ARMH4: variants seen among roughly 807,000 people sequenced by gnomAD.
The protein encoded by ARMH4 is armadillo like helical domain containing 4, also known as armadillo-like helical domain-containing protein 4.
A neutral mutation model predicts 61.9 loss-of-function variants in ARMH4; 49 were observed. That is an observed-to-expected ratio of 0.79 (90% CI 0.63 to 1.00). The LOEUF (loss-of-function observed/expected upper bound fraction) is 1.00. ARMH4 is among the 50% of genes least tolerant of loss of function. ARMH4 has a pLI of 0.00. For missense variants in ARMH4, 934 were observed against 930.0 expected, an observed-to-expected ratio of 1.00 and a Z score of -0.06; for synonymous variants, 368 against 341.5, an observed-to-expected ratio of 1.08 and a Z score of -0.85.
At chr14:58,014,992 T>G (rs931572638) in intron 5 of ARMH4, among the ~76,000 whole-genome samples, 3 of 152,162 alleles carry the variant, frequency 2.0e-5, no homozygotes, top group Admixed American at 2.0e-4. Context: ...TGGTGCAGAA[T>G]AGGGATAGCC....
chr14:58,089,315 C>T (rs1304939395), intron 5 of ARMH4, among the ~76,000 whole-genome samples: 1 of 152,190 alleles, frequency 6.6e-6, no homozygotes, highest in Non-Finnish European at 1.5e-5. Context: ...TCCTTGCTGC[C>T]ACAATCTGTG....
In ARMH4 at chr14:58,005,176, A is replaced by G. The variant is rs1317308211; in HGVS notation, c.2128T>C (p.Tyr710His). 2 of 1,613,934 alleles carry G rather than the reference A, an allele frequency of 1.2e-6. No individual in the cohort carries two copies. Among genetic ancestry groups the G allele is most frequent in the Admixed American group, 3.3e-5 (2 of 59,978 alleles). ...ACAGGCACCAGCATCCCAGACATGT[A>G]ACCAGCCTGCATAGAAAAGGAAACA... The part of the protein sequence containing the change: ...WMEKLKDKAG[Y>H]MSGMLVPVGV... Residue 710 changes from tyrosine to histidine, a missense_variant, in exon 7 of 8, where the codon TAC (tyrosine) becomes CAC (histidine). Physicochemically the swap from Tyr to His is moderately conservative, Grantham distance 83. Transcript: ENST00000267485.
chr14:58,023,007 C>A (rs948160120), intron 5 of ARMH4, among the ~76,000 whole-genome samples: 1 of 152,084 alleles, frequency 6.6e-6, no homozygotes, highest in African/African-American at 2.4e-5. Context: ...TACTTTATTA[C>A]CAAAAAATGC....
chr14:58,109,021 G>A (rs752557781), intron 4 of ARMH4, among the ~76,000 whole-genome samples: 3 of 151,978 alleles, frequency 2.0e-5, no homozygotes, highest in African/African-American at 4.8e-5. Context: ...TCATTTTTCC[G>A]CTGATTCTTT....
At chr14:58,013,768 G>A (rs571563088) in intron 5 of ARMH4, among the ~76,000 whole-genome samples, 49 of 152,220 alleles carry the variant, frequency 3.2e-4, no homozygotes, top group African/African-American at 9.9e-4. Context: ...GGCCGAGCAC[G>A]GTGGCTCACA....
At chr14:58,112,539 C>T (rs901524250) in intron 4 of ARMH4, among the ~76,000 whole-genome samples, 1 of 152,104 alleles carries the variant, frequency 6.6e-6, no homozygotes, top group African/African-American at 2.4e-5. Context: ...TCTCTTCTTA[C>T]TCCATAAATT....
chr14:58,100,138 A>G (rs565898205), intron 4 of ARMH4, among the ~76,000 whole-genome samples: 121 of 152,286 alleles, frequency 7.9e-4, no homozygotes, highest in Non-Finnish European at 1.4e-3. Context: ...AGGTGGGCAG[A>G]TTTGGTGGGT....
chr14:58,065,171 G>A (rs1001613262), intron 5 of ARMH4, among the ~76,000 whole-genome samples: 5 of 152,120 alleles, frequency 3.3e-5, no homozygotes, highest in Non-Finnish European at 5.9e-5. Flanking sequence ...GAAACTGGGA[G>A]GCAGAGGTTG....
intron 1 of ARMH4, among the ~76,000 whole-genome samples, chr14:58,150,792 T>C (rs1887895693): frequency 6.6e-6 from 1 of 152,174 alleles, no homozygotes; most frequent in South Asian, 2.1e-4. Context: ...CAGAGTACCT[T>C]TAAACCTCTG....
intron 6 of ARMH4, among the ~76,000 whole-genome samples, chr14:58,010,656 G>T (rs1044228007): frequency 6.6e-6 from 1 of 151,826 alleles, no homozygotes; most frequent in African/African-American, 2.4e-5. Flanking sequence ...GCAAGAAAAA[G>T]GTACCAAGAT....
chr14:58,143,765 CT>C (rs201034964), intron 1 of ARMH4, among the ~76,000 whole-genome samples: 139 of 120,044 alleles, frequency 1.2e-3, no homozygotes, highest in African/African-American at 3.2e-3. Context: ...TGCCCATCCT[CT>C]TTTTTTTTTT....
chr14:58,039,116 G>A (rs1204609896), intron 5 of ARMH4, among the ~76,000 whole-genome samples: 2 of 152,220 alleles, frequency 1.3e-5, no homozygotes, highest in Non-Finnish European at 2.9e-5. Context: ...GGACACAGGA[G>A]TCCTCAAGTG....
rs1336292896 is a variant in ARMH4 at position 58,094,265 on chromosome 14, A to T, written c.2089+2459T>A. ...GAATTGTTTGAACCCGGGAGGCAGAATTTGCAGTGAGTCGAGATCGCCCCA... is the reference window on the plus strand; with the variant it reads ...GAATTGTTTGAACCCGGGAGGCAGATTTTGCAGTGAGTCGAGATCGCCCCA... On this transcript the variant is annotated intron_variant, in intron 5 of 7. Transcript: ENST00000267485. Among the ~76,000 whole-genome samples the T allele has an allele frequency of 2.7e-5, 4 of 148,390 alleles. No homozygotes were observed. The East Asian group carries it at 7.9e-4, about 29-fold the overall frequency.
intron 5 of ARMH4, among the ~76,000 whole-genome samples, chr14:58,072,699 G>A (rs1013167241): frequency 5.9e-5 from 9 of 151,766 alleles, no homozygotes; most frequent in East Asian, 1.9e-4. Flanking sequence ...TCTAGCCTGC[G>A]CAACAGAGTG....
intron 6 of ARMH4, among the ~76,000 whole-genome samples, chr14:58,005,394 T>C (rs769195757): frequency 1.3e-4 from 20 of 152,120 alleles, no homozygotes; most frequent in Non-Finnish European, 2.5e-4. Context: ...TTCAAATACA[T>C]AGAAGTATTG....
At chr14:58,046,495 T>G (rs191535615) in intron 5 of ARMH4, among the ~76,000 whole-genome samples, 26 of 152,292 alleles carry the variant, frequency 1.7e-4, no homozygotes, top group African/African-American at 6.3e-4. Flanking sequence ...ATTTCGAAGA[T>G]GAAGACACGG....
At chr14:58,076,769 C>G (rs1002141824) in intron 5 of ARMH4, among the ~76,000 whole-genome samples, 1 of 152,172 alleles carries the variant, frequency 6.6e-6, no homozygotes, top group Non-Finnish European at 1.5e-5. Context: ...CACCTGATGA[C>G]AGCAGACCTG....
chr14:58,114,216 T>C (rs768060613), intron 4 of ARMH4, among the ~76,000 whole-genome samples: 2 of 152,194 alleles, frequency 1.3e-5, no homozygotes, highest in Non-Finnish European at 2.9e-5. Context: ...GAAGTCAGGG[T>C]GTGATACAAA....
chr14:58,112,300 T>G (rs1177963606), intron 4 of ARMH4, among the ~76,000 whole-genome samples: 2 of 150,158 alleles, frequency 1.3e-5, no homozygotes, highest in African/African-American at 4.9e-5. Flanking sequence ...TTTTTTTTTT[T>G]GGCTTTTTTT....
Sources: gnomAD v4.1 joint callset for allele counts (sites outside exome capture counted in the v4.1 genomes callset) on GRCh38, gnomAD v4.1.1 for gene constraint, MANE v1.5 for transcripts, NCBI Gene and HGNC (gene_info 2026-07-23, HGNC 2026-07-21) for gene names.